The following NCOR1 variants were observed in gnomAD, a reference collection of about 807,000 sequenced individuals.
The protein encoded by NCOR1 is protein phosphatase 1, regulatory subunit 109.
NCOR1 carries 63 observed loss-of-function variants against 288.1 expected under a neutral mutation model. The ratio of observed to expected loss-of-function variants is 0.22; its 90% CI spans 0.18 to 0.27. The LOEUF (loss-of-function observed/expected upper bound fraction) is 0.27. Among genes scored for constraint, NCOR1 ranks in the 10% least tolerant of loss-of-function variants. The probability of loss-of-function intolerance (pLI) is 1.00; values close to 1 mark genes in which losing one functional copy is unlikely to be tolerated. For missense variants in NCOR1, 2,397 were observed against 3,019.2 expected (o/e 0.79, Z 4.83); for synonymous variants, 1,007 against 1,065.9 (o/e 0.94, Z 1.08).
rs745528803 is a variant in NCOR1, at chr17:16,146,514, A to G, written c.944T>C (p.Met315Thr). The change falls in exon 10 of 46, where the codon ATG becomes ACG. Residue 315 changes from methionine (M) to threonine (T), a missense_variant. Around this residue, in one of 11 missense-constraint regions of NCOR1, gnomAD observed 51 missense variants for 127.6 expected, o/e 0.40. Coordinates refer to ENST00000268712, the MANE Select transcript of NCOR1 (RefSeq NM_006311.4). The stretch of plus-strand genomic sequence containing the variant: ...GTCCACTTTTTTCTCCCATGCCTCC[A>G]TGAGCTGATCATAACGCTGGCAGAT... The part of the protein sequence containing the change: ...QKICQRYDQL[M>T]EAWEKKVDRI... 1.2e-6 allele frequency: 2 copies of G among 1,608,294 alleles called. No homozygotes were observed. Among genetic ancestry groups the G allele is most frequent in the Non-Finnish European group, 1.7e-6 (2 of 1,178,508 alleles).
chr17:16,035,217 T>TG (rs1974031479), intron 44 of NCOR1, among the ~76,000 whole-genome samples: 1 of 152,218 alleles, frequency 6.6e-6, no homozygotes, highest in Non-Finnish European at 1.5e-5. Flanking sequence ...GGGATGGCTG[T>TG]GGCAATTTCT....
intron 40 of NCOR1, among the ~76,000 whole-genome samples, chr17:16,053,310 A>G (rs1216069886): frequency 6.6e-6 from 1 of 152,182 alleles, no homozygotes; most frequent in African/African-American, 2.4e-5. Context: ...CTCAGCCCCA[A>G]AGGTCCTTAA....
At chr17:16,212,320 A>T (rs2092210919) in intron 1 of NCOR1, among the ~76,000 whole-genome samples, 1 of 152,158 alleles carries the variant, frequency 6.6e-6, no homozygotes, top group Admixed American at 6.6e-5. Flanking sequence ...TTATTTGTGA[A>T]TATAACTGAT....
chr17:16,215,216 A>G, intron 1 of NCOR1, 146 bp downstream of exon 1: 1 of 371,436 alleles, frequency 2.7e-6, no homozygotes, highest in East Asian at 3.9e-5. Context: ...CCAGGCGGCC[A>G]GGACGGGTCC....
At chr17:16,039,070 G>T in intron 44 of NCOR1, 1 of 199,416 alleles carries the variant, frequency 5.0e-6, no homozygotes, top group Non-Finnish European at 1.0e-5. Context: ...CACCCGGCTG[G>T]CTTATGTTTC....
intron 23 of NCOR1, among the ~76,000 whole-genome samples, chr17:16,083,583 G>GT (rs74372157): frequency 0.048 from 6,390 of 133,820 alleles, 168 homozygotes; most frequent in Non-Finnish European, 0.064. Context: ...GTGGTTCATG[G>GT]TTTTTTTTTT....
In NCOR1 at chr17:16,141,286, A is replaced by G. The variant is rs139152865; in HGVS notation, c.1174-2100T>C. Among the ~76,000 whole-genome samples, 814 of 152,254 alleles carry G rather than the reference A, an allele frequency of 5.3e-3. 6 individuals are homozygous for G. The highest frequency in any genetic ancestry group is 0.019 in the African/African-American group (771 of 41,538). ...ATATTGTAATTGTCCCTAAAGAGTT[A>G]TGTATTTCAATGCACCAAAAATCAC... is the stretch of plus-strand genomic sequence containing the variant. On this transcript the variant is annotated intron_variant, in intron 11 of 45. Coordinates refer to ENST00000268712, the MANE Select transcript of NCOR1 (RefSeq NM_006311.4).
At chr17:16,200,280 G>C (rs1313398642) in intron 1 of NCOR1, among the ~76,000 whole-genome samples, 2 of 151,828 alleles carry the variant, frequency 1.3e-5, no homozygotes. Context: ...AAGGTCAGGA[G>C]ATCAAGACCA....
chr17:16,190,239 AATG>A (rs2087850967), intron 2 of NCOR1, among the ~76,000 whole-genome samples: 1 of 152,212 alleles, frequency 6.6e-6, no homozygotes, highest in African/African-American at 2.4e-5. Flanking sequence ...CTAAAAATAA[AATG>A]AAATAAAAAA....
intron 19 of NCOR1, among the ~76,000 whole-genome samples, chr17:16,102,733 A>G (rs971987381): frequency 2.6e-5 from 4 of 152,048 alleles, no homozygotes; most frequent in Non-Finnish European, 5.9e-5. Context: ...AGCTGGGATT[A>G]TAGGTGCCTG....
chr17:16,203,422 C>A (rs1473456302), intron 1 of NCOR1, among the ~76,000 whole-genome samples: 1 of 152,158 alleles, frequency 6.6e-6, no homozygotes, highest in Non-Finnish European at 1.5e-5. Context: ...CCTTTACTCT[C>A]TGCCAGGAAA....
chr17:16,132,273 T>C (rs983148693), intron 14 of NCOR1, among the ~76,000 whole-genome samples: 14 of 152,236 alleles, frequency 9.2e-5, no homozygotes, highest in African/African-American at 3.1e-4. Context: ...CTTGCTTTAC[T>C]GCAGGTAACT....
At chr17:16,044,306 TC>T (rs1263027925) in intron 42 of NCOR1, 4 of 447,674 alleles carry the variant, frequency 8.9e-6, no homozygotes, top group Non-Finnish European at 1.8e-5. Context: ...GAGGACAAGT[TC>T]AGAAACAGTG....
chr17:16,062,277 A>C lies in NCOR1; in HGVS notation c.5222-7T>G, dbSNP rs772734831. ...CGGCCAGGCTGTTCTGAGCCTGCAG[A>C]GGTGAAAAAGAGAAAGAAACAAAGA... On this transcript the variant is annotated splice_region_variant and splice_polypyrimidine_tract_variant and intron_variant, in intron 35 of 45. Coordinates refer to ENST00000268712, the MANE Select transcript of NCOR1 (RefSeq NM_006311.4). 1.3e-5 allele frequency: 20 copies of C among 1,578,058 alleles called. No individual in the cohort carries two copies. The East Asian group carries it at 4.3e-4, about 34-fold the overall frequency.
chr17:16,049,035 G>T (rs750796584), intron 40 of NCOR1, 47 bp from the exon 41 acceptor site: 1 of 1,505,638 alleles, frequency 6.6e-7, no homozygotes, highest in South Asian at 1.3e-5. Flanking sequence ...AGGCTAACCT[G>T]GGACTTACCT....
At chr17:16,128,334 T>C (rs2075071840) in intron 14 of NCOR1, among the ~76,000 whole-genome samples, 1 of 152,198 alleles carries the variant, frequency 6.6e-6, no homozygotes, top group Non-Finnish European at 1.5e-5. Flanking sequence ...GAAGCCTCTC[T>C]TGATTTCCAC....
intron 22 of NCOR1, among the ~76,000 whole-genome samples, chr17:16,086,778 T>C (rs1275185946): frequency 6.6e-6 from 1 of 152,212 alleles, no homozygotes; most frequent in Non-Finnish European, 1.5e-5. Flanking sequence ...TAAAAACAGC[T>C]GATAACACTA....
At chr17:16,078,329 T>A (rs1413016966) in intron 26 of NCOR1, among the ~76,000 whole-genome samples, 42 of 152,202 alleles carry the variant, frequency 2.8e-4, no homozygotes, top group Admixed American at 2.7e-3. Context: ...AGTCATTAAG[T>A]GAACTCATTA....
At chr17:16,199,216 AACAC>A (rs148297225) in intron 1 of NCOR1, among the ~76,000 whole-genome samples, 2,175 of 122,240 alleles carry the variant, frequency 0.018, 38 homozygotes, top group Non-Finnish European at 0.026. Context: ...AAAAAAAAAA[AACAC>A]ACACACACAC....
Sources: allele counts gnomAD v4.1 joint callset (sites outside exome capture counted in the v4.1 genomes callset), GRCh38; gene constraint gnomAD v4.1.1; regional missense constraint gnomAD v4.1.1; transcripts MANE v1.5; gene names NCBI Gene and HGNC (gene_info 2026-07-23, HGNC 2026-07-21).